The following PTGFRN variants were observed in gnomAD, a reference collection of about 807,000 sequenced individuals.
PTGFRN encodes prostaglandin F2 receptor negative regulator.
In PTGFRN, 35 loss-of-function variants were observed where a neutral mutation model predicts 83.2. That is an observed-to-expected ratio of 0.42 (90% confidence interval 0.32 to 0.56). The LOEUF (loss-of-function observed/expected upper bound fraction) is 0.56, where lower values mean the gene tolerates loss of function less well. Among genes scored for constraint, PTGFRN ranks in the 20% least tolerant of loss-of-function variants. The probability of loss-of-function intolerance (pLI) is 0.11; values close to 1 mark genes in which losing one functional copy is unlikely to be tolerated. For synonymous variants in PTGFRN, 519 were observed against 498.6 expected (o/e 1.04, Z -0.55); for missense variants, 1,051 against 1,179.5 (o/e 0.89, Z 1.60).
intron 1 of PTGFRN, among the ~76,000 whole-genome samples, chr1:116,915,615 G>A (rs1557956042): frequency 6.6e-6 from 1 of 152,168 alleles, no homozygotes; most frequent in Non-Finnish European, 1.5e-5. Context: ...CAGGCTAGTC[G>A]GCATTTATGT....
rs541436577 is a variant in PTGFRN at position 116,944,866 on chromosome 1, G to A, written c.606G>A (p.Glu202=). The change falls in exon 3 of 9, where the codon GAG becomes GAA. Residue 202 remains glutamate (E), a synonymous_variant. Coordinates refer to ENST00000393203, the MANE Select transcript of PTGFRN (RefSeq NM_020440.4). Reference sequence around the variant, plus strand: ...GGAGCGTCCTCGCCCTGACCCACGAGGGCAGGTTCCACCCGGGCCTGGGGT... The same window carrying A: ...GGAGCGTCCTCGCCCTGACCCACGAAGGCAGGTTCCACCCGGGCCTGGGGT... The part of the protein sequence containing the change: ...ARRSVLALTH[E]GRFHPGLGYE... 3.1e-6 allele frequency: 5 copies of A among 1,605,996 alleles called. 1 individual carries two copies. The Admixed American group carries it at 6.7e-5, about 22-fold the overall frequency.
In PTGFRN at chr1:116,948,064, A is replaced by G. The variant is rs1435828943; in HGVS notation, c.833-1128A>G. ...GGGCTTTGGAGTTGGTCTTTTCTGAATTGGGTCCCTGAGCTTACTGGGGCC... is the reference window on the plus strand; with the variant it reads ...GGGCTTTGGAGTTGGTCTTTTCTGAGTTGGGTCCCTGAGCTTACTGGGGCC... On this transcript the variant is annotated intron_variant, in intron 3 of 8. Transcript: ENST00000393203. Among the ~76,000 whole-genome samples, 92 of 152,142 alleles carry G rather than the reference A, an allele frequency of 6.0e-4. 1 individual carries two copies. Among genetic ancestry groups the G allele is most frequent in the Non-Finnish European group, 1.0e-4 (7 of 68,028 alleles).
chr1:116,938,107 T>C (rs1649966946), intron 1 of PTGFRN, among the ~76,000 whole-genome samples: 1 of 152,206 alleles, frequency 6.6e-6, no homozygotes, highest in Non-Finnish European at 1.5e-5. Context: ...CTCATTTCTT[T>C]GTGAACTGTG....
At chr1:116,956,174 G>A (rs906741814) in intron 4 of PTGFRN, among the ~76,000 whole-genome samples, 2 of 152,256 alleles carry the variant, frequency 1.3e-5, no homozygotes, top group African/African-American at 4.8e-5. Context: ...TAAGTCTAAA[G>A]TTGAGCTACA....
intron 1 of PTGFRN, among the ~76,000 whole-genome samples, chr1:116,910,945 T>C (rs1649256762): frequency 6.6e-6 from 1 of 152,174 alleles, no homozygotes; most frequent in African/African-American, 2.4e-5. Context: ...TACCTGTTAC[T>C]TTCCCTCCCT....
chr1:116,910,226 C>CGCT lies in PTGFRN; in HGVS notation c.31_33dup (p.Leu11dup). 6.9e-7 allele frequency: 1 copy of CGCT among 1,455,896 alleles called. No individual in the cohort carries two copies. The highest frequency in any genetic ancestry group is 1.4e-5 in the South Asian group (1 of 72,492). 90.2% of individuals were successfully genotyped at this position (1,455,896 alleles called of 1,614,324 possible). The stretch of plus-strand genomic sequence containing the variant: ...AGCATGGGGCGCCTGGCCTCGAGGC[C>CGCT]GCTGCTGCTGGCGCTCCTGTCGTTG... On this transcript the variant is annotated inframe_insertion, in exon 1 of 9. Transcript: ENST00000393203.
chr1:116,972,314 G>A (rs556100947), intron 6 of PTGFRN, among the ~76,000 whole-genome samples: 2 of 152,092 alleles, frequency 1.3e-5, no homozygotes, highest in African/African-American at 2.4e-5. Flanking sequence ...AGTTACGTAC[G>A]CCCCTGCTGT....
At chr1:116,924,828 A>T (rs753605294) in intron 1 of PTGFRN, among the ~76,000 whole-genome samples, 30 of 152,326 alleles carry the variant, frequency 2.0e-4, no homozygotes, top group Non-Finnish European at 3.4e-4. Flanking sequence ...TCATTGAGAT[A>T]GGAGTGATCA....
Position 116,958,681 on chromosome 1 carries a change from G to C in PTGFRN, c.1214-2562G>C, listed in dbSNP as rs1178702987. Reference sequence around the variant, plus strand: ...ACAATAACATTATGAGCTAGTTACTGTCATCCCCATTTGTATGGGTGAGGC... The same window carrying C: ...ACAATAACATTATGAGCTAGTTACTCTCATCCCCATTTGTATGGGTGAGGC... On this transcript the variant is annotated intron_variant, in intron 4 of 8. Transcript: ENST00000393203. The surrounding 1 kb of genome is among the most constrained non-coding windows in gnomAD (Gnocchi z 4.9). Among the ~76,000 whole-genome samples, 1 of 152,146 alleles carries C rather than the reference G, an allele frequency of 6.6e-6. No individual in the cohort carries two copies. Among genetic ancestry groups the C allele is most frequent in the East Asian group, 1.9e-4 (1 of 5,190 alleles).
intron 1 of PTGFRN, among the ~76,000 whole-genome samples, chr1:116,928,846 C>T (rs751956371): frequency 6.6e-6 from 1 of 152,184 alleles, no homozygotes; most frequent in Non-Finnish European, 1.5e-5. Context: ...AGTAAGGGCT[C>T]TATCTTTGGC....
intron 4 of PTGFRN, among the ~76,000 whole-genome samples, chr1:116,957,808 T>C (rs142194234): frequency 6.6e-6 from 1 of 152,138 alleles, no homozygotes; most frequent in East Asian, 1.9e-4. Context: ...ACCACTTTAC[T>C]CTCTGTTTCT....
rs1024847842 is a variant in PTGFRN, at chr1:116,928,106, C to T, written c.50-13609C>T. On this transcript the variant is annotated intron_variant, in intron 1 of 8. Coordinates refer to ENST00000393203, the MANE Select transcript of PTGFRN (RefSeq NM_020440.4). ...CCTGTTGGTCACACTGCCCCTTCCT[C>T]GTGTTTCTGTAGCCAGGCACAGGCT... 2.6e-5 allele frequency among the ~76,000 whole-genome samples: 4 copies of T among 152,336 alleles called. No homozygotes were observed. In the East Asian group the frequency reaches 5.8e-4, roughly 22 times the overall value.
Position 116,961,413 on chromosome 1 carries a change from G to A in PTGFRN, c.1384G>A (p.Glu462Lys), listed in dbSNP as rs535434092. 2.3e-5 allele frequency: 37 copies of A among 1,613,964 alleles called. No individual in the cohort carries two copies. The South Asian group carries it at 3.5e-4, about 15-fold the overall frequency. ...GCGCAGCGACAATGTGGTGACCAGCGAGCTGCTTGCAGTCATGGACGGGGA... is the reference window on the plus strand; with the variant it reads ...GCGCAGCGACAATGTGGTGACCAGCAAGCTGCTTGCAGTCATGGACGGGGA... ...NRRSDNVVTSELLAVMDGDWT... is the reference protein window; with the variant it reads ...NRRSDNVVTSKLLAVMDGDWT... The change falls in exon 5 of 9, where the codon GAG (glutamate) becomes AAG (lysine). Residue 462 changes from glutamate to lysine, a missense_variant. Glu to Lys is a moderately conservative substitution (Grantham distance 56). Around this residue, in one of 3 missense-constraint regions of PTGFRN, gnomAD observed 719 missense variants for 836.6 expected, o/e 0.86. Coordinates refer to ENST00000393203, the MANE Select transcript of PTGFRN (RefSeq NM_020440.4). This position sits in a 1 kb window ranked among gnomAD's most constrained non-coding sequence, Gnocchi z 5.4.
chr1:116,937,267 C>T (rs1450679056), intron 1 of PTGFRN, among the ~76,000 whole-genome samples: 4 of 152,214 alleles, frequency 2.6e-5, no homozygotes, highest in Admixed American at 2.6e-4. Flanking sequence ...AGGATTGCCT[C>T]TATAAGGATT....
At chr1:116,927,130 C>T (rs1649678530) in intron 1 of PTGFRN, among the ~76,000 whole-genome samples, 1 of 152,136 alleles carries the variant, frequency 6.6e-6, no homozygotes, top group Non-Finnish European at 1.5e-5. Flanking sequence ...CTACTAGCAC[C>T]TTCACATCTG....
intron 4 of PTGFRN, among the ~76,000 whole-genome samples, chr1:116,954,238 G>A (rs957698456): frequency 2.6e-5 from 4 of 152,234 alleles, no homozygotes; most frequent in African/African-American, 9.6e-5. Context: ...AATGGCTAGT[G>A]CTCCATCCAT....
At chr1:116,920,562 G>A (rs1215407261) in intron 1 of PTGFRN, among the ~76,000 whole-genome samples, 1 of 152,202 alleles carries the variant, frequency 6.6e-6, no homozygotes, top group Non-Finnish European at 1.5e-5. Flanking sequence ...GACATCTTGA[G>A]ATGTGTATAA....
chr1:116,941,581 A>G lies in PTGFRN; in HGVS notation c.50-134A>G. 8.1e-7 allele frequency: 1 copy of G among 1,237,834 alleles called. No homozygotes were observed. Among genetic ancestry groups the G allele is most frequent in the South Asian group, 1.5e-5 (1 of 68,396 alleles). The allele number at this position is 1,237,834 out of a possible 1,614,324, so 76.7% of individuals were successfully genotyped here. A position where few individuals can be genotyped will look rare whatever the true frequency, so the allele number is the denominator to read the frequency against. ...GGGTTAGGCTTAACCTTCTGCATAG[A>G]TACATTTTCCCTAGTAGTTTGGCTG... On this transcript the variant is annotated intron_variant, in intron 1 of 8. Coordinates refer to ENST00000393203, the MANE Select transcript of PTGFRN (RefSeq NM_020440.4). The surrounding 1 kb of genome is among the most constrained non-coding windows in gnomAD (Gnocchi z 5.0).
At chr1:116,962,164 G>C (rs867619482) in intron 5 of PTGFRN, among the ~76,000 whole-genome samples, 1 of 152,048 alleles carries the variant, frequency 6.6e-6, no homozygotes, top group East Asian at 1.9e-4. Context: ...TTCGAATCTC[G>C]TGTCATCATC....
Sources: gnomAD v4.1 joint callset for allele counts (sites outside exome capture counted in the v4.1 genomes callset) on GRCh38, gnomAD v4.1.1 for gene constraint, gnomAD v4.1.1 regional missense constraint, Gnocchi (gnomAD v3.1) non-coding constraint, MANE v1.5 for transcripts, NCBI Gene and HGNC (gene_info 2026-07-23, HGNC 2026-07-21) for gene names.